Variants in DAB1 observed in about 807,000 individuals in gnomAD.
DAB1 encodes disabled homolog 1.
Under a neutral mutation model 64.6 loss-of-function variants are expected in DAB1, and 15 were observed. That is an observed-to-expected ratio of 0.23 (90% CI 0.16 to 0.36). The LOEUF (loss-of-function observed/expected upper bound fraction) is 0.36. Among genes scored for constraint, DAB1 ranks in the 10% least tolerant of loss-of-function variants. DAB1 has a pLI of 1.00. For missense variants in DAB1, 596 were observed against 706.7 expected, an observed-to-expected ratio of 0.84 and a Z score of 1.78; for synonymous variants, 235 against 251.9, an observed-to-expected ratio of 0.93 and a Z score of 0.64.
At chr1:57,598,521 G>C (rs1432404137) in intron 7 of DAB1, among the ~76,000 whole-genome samples, 1 of 152,180 alleles carries the variant, frequency 6.6e-6, no homozygotes, top group Non-Finnish European at 1.5e-5. Context: ...ACTCAGCAAG[G>C]GAGAAAGCAA....
intron 8 of DAB1, among the ~76,000 whole-genome samples, chr1:57,066,215 TA>T (rs1451628041): frequency 6.6e-6 from 1 of 152,190 alleles, no homozygotes; most frequent in Admixed American, 6.5e-5. Context: ...ATCTTGCTTA[TA>T]TAGGAAGCCT....
chr1:57,362,414 C>T (rs1481068423), intron 1 of DAB1, among the ~76,000 whole-genome samples: 10 of 152,102 alleles, frequency 6.6e-5, no homozygotes, highest in Non-Finnish European at 1.3e-4. Context: ...TTCTCAGTGG[C>T]ACCAACTACA....
At chr1:58,502,951 A>C (rs1645929336) in intron 3 of DAB1, among the ~76,000 whole-genome samples, 1 of 152,202 alleles carries the variant, frequency 6.6e-6, no homozygotes, top group South Asian at 2.1e-4. Context: ...CTTTGTCTTC[A>C]TCATTTGCTC....
chr1:57,317,014 G>A (rs1449946848), intron 1 of DAB1, among the ~76,000 whole-genome samples: 5 of 152,172 alleles, frequency 3.3e-5, no homozygotes, highest in African/African-American at 1.2e-4. Context: ...TGATAAATTA[G>A]GTTATAGAAA....
chr1:57,716,447 CA>C (rs1427613024), intron 6 of DAB1, among the ~76,000 whole-genome samples: 1 of 152,110 alleles, frequency 6.6e-6, no homozygotes, highest in Non-Finnish European at 1.5e-5. Context: ...TATTTATAGC[CA>C]GCTGATTTTT....
At chr1:57,583,345 G>C (rs1415817072) in intron 7 of DAB1, among the ~76,000 whole-genome samples, 7 of 148,742 alleles carry the variant, frequency 4.7e-5, no homozygotes, top group South Asian at 2.1e-4. Flanking sequence ...GGAGTGCAGT[G>C]GTGCGATCTC....
At chr1:57,084,554 C>A (rs1652866593) in intron 4 of DAB1, among the ~76,000 whole-genome samples, 1 of 152,098 alleles carries the variant, frequency 6.6e-6, no homozygotes. Flanking sequence ...AGGAGTTTGC[C>A]AAGATAAACT....
chr1:58,538,424 T>C (rs961071453), intron 1 of DAB1, among the ~76,000 whole-genome samples: 1 of 152,222 alleles, frequency 6.6e-6, no homozygotes, highest in Non-Finnish European at 1.5e-5. Flanking sequence ...GTAAGTACTC[T>C]TCTTATACAT....
chr1:57,791,063 T>C (rs1012999411), intron 6 of DAB1, among the ~76,000 whole-genome samples: 2 of 152,214 alleles, frequency 1.3e-5, no homozygotes, highest in African/African-American at 4.8e-5. Flanking sequence ...TAAATCCACA[T>C]TGGCTTCATT....
intron 5 of DAB1, among the ~76,000 whole-genome samples, chr1:57,913,727 A>T (rs373890988): frequency 4.6e-5 from 7 of 151,766 alleles, no homozygotes; most frequent in Admixed American, 2.6e-4. Flanking sequence ...GAATCTACAA[A>T]GAACTCAAAC....
intron 5 of DAB1, among the ~76,000 whole-genome samples, chr1:57,945,442 TA>T (rs1165299254): frequency 4.1e-4 from 62 of 150,540 alleles, no homozygotes; most frequent in African/African-American, 1.3e-3. Flanking sequence ...TTATTATTAT[TA>T]TTATTATTAT....
intron 5 of DAB1, among the ~76,000 whole-genome samples, chr1:58,000,889 T>G (rs955101667): frequency 6.6e-6 from 1 of 151,752 alleles, no homozygotes; most frequent in Non-Finnish European, 1.5e-5. Flanking sequence ...CTTCTAATCT[T>G]CCACATTTCT....
intron 5 of DAB1, among the ~76,000 whole-genome samples, chr1:58,106,797 T>C (rs116070286): frequency 0.027 from 4,118 of 151,800 alleles, 177 homozygotes; most frequent in African/African-American, 0.094. Flanking sequence ...TCCATCACTG[T>C]TTAGGGCCCA....
intron 4 of DAB1, among the ~76,000 whole-genome samples, chr1:58,219,369 G>T (rs1180176940): frequency 1.3e-5 from 2 of 152,166 alleles, no homozygotes; most frequent in East Asian, 3.9e-4. Context: ...TCCAAGCTGA[G>T]CTTCATCCTT....
rs1020383126 is a variant in DAB1 at position 57,866,516 on chromosome 1, G to A, written n.87+17483C>T. On this transcript the variant is annotated intron_variant and non_coding_transcript_variant, in intron 1 of 1. Coordinates refer to the DAB1 transcript ENST00000477280. ...GTTCTTCTATGGAGACAGAATTTCA[G>A]TACAGCACCTTAGTGAAGAGTACAA... 2.0e-4 allele frequency: 31 copies of A among 152,126 alleles called. No individual in the cohort carries two copies. The East Asian group carries it at 5.6e-3, about 27-fold the overall frequency. The allele number at this position is 152,126 out of a possible 1,614,324, so 9.4% of individuals were successfully genotyped here. A position where few individuals can be genotyped will look rare whatever the true frequency, so the allele number is the denominator to read the frequency against.
At chr1:58,048,852 GC>G in intron 5 of DAB1, 1 of 1,014,060 alleles carries the variant, frequency 9.9e-7, no homozygotes, top group Non-Finnish European at 1.5e-6. Flanking sequence ...CAAAGGCAAA[GC>G]CCCTTTTTCT....
At chr1:57,345,735 A>G (rs1678024216) in intron 1 of DAB1, among the ~76,000 whole-genome samples, 1 of 152,226 alleles carries the variant, frequency 6.6e-6, no homozygotes, top group Admixed American at 6.5e-5. Context: ...TCTGATTAAA[A>G]TGTACCACCA....
At chr1:57,400,430 G>A (rs1294118649) in intron 1 of DAB1, among the ~76,000 whole-genome samples, 1 of 152,016 alleles carries the variant, frequency 6.6e-6, no homozygotes, top group East Asian at 1.9e-4. Flanking sequence ...AGAGGTACCT[G>A]CCTGTCCATA....
chr1:57,213,671 C>T (rs764247838), intron 2 of DAB1, among the ~76,000 whole-genome samples: 45 of 152,200 alleles, frequency 3.0e-4, no homozygotes, highest in Non-Finnish European at 6.0e-4. Flanking sequence ...CAGAACTGCA[C>T]AACAAAGTTT....
Sources: allele counts gnomAD v4.1 joint callset (sites outside exome capture counted in the v4.1 genomes callset), GRCh38; gene constraint gnomAD v4.1.1; transcripts MANE v1.5; gene names NCBI Gene and HGNC (gene_info 2026-07-23, HGNC 2026-07-21).